KLF8: variants seen among roughly 807,000 people sequenced by gnomAD.
KLF8 encodes the protein KLF transcription factor 8.
KLF8 carries 10 observed loss-of-function variants against 18.2 expected under a neutral mutation model. The observed-to-expected ratio is 0.55, with a 90% CI of 0.34 to 0.93. The LOEUF is 0.93. Among genes scored for constraint, KLF8 ranks in the 40% least tolerant of loss-of-function variants. The pLI is 0.02. For missense variants in KLF8, 264 were observed against 277.9 expected (o/e 0.95, Z 0.36); for synonymous variants, 109 against 97.3 (o/e 1.12, Z -0.71).
At chrX:56,104,590 T>A in the KLF8 span, among the ~76,000 whole-genome samples, 1 of 111,949 alleles carries the variant, frequency 8.9e-6, no homozygotes, top group Admixed American at 9.5e-5. Flanking sequence ...TTGCATCTAT[T>A]TGATTCTTCT....
chrX:56,269,200 A>T (rs774179923), intron 3 of KLF8, 178 bp from the exon 4 acceptor site: 509 of 1,037,577 alleles, frequency 4.9e-4, no homozygotes, highest in Admixed American at 1.9e-3. Context: ...TGCAAAAAAA[A>T]AAAATAAAAT....
At chrX:55,999,094 G>T in the KLF8 span, among the ~76,000 whole-genome samples, 1 of 108,941 alleles carries the variant, frequency 9.2e-6, no homozygotes, top group African/African-American at 3.3e-5. Context: ...TTATTGACTA[G>T]GGTGTCCTTT....
At chrX:56,273,468 G>A (rs185702848) in intron 5 of KLF8, among the ~76,000 whole-genome samples, 2 of 96,906 alleles carry the variant, frequency 2.1e-5, no homozygotes, top group African/African-American at 3.9e-5. Flanking sequence ...ACTGCCCCCC[G>A]ACCCACTGAC....
the KLF8 span, among the ~76,000 whole-genome samples, chrX:56,195,609 G>A: frequency 8.9e-6 from 1 of 112,303 alleles, no homozygotes; most frequent in East Asian, 2.8e-4. Flanking sequence ...TGTTTGATTG[G>A]TGTACCTGAA....
the KLF8 span, among the ~76,000 whole-genome samples, chrX:56,129,738 C>A: frequency 9.6e-6 from 1 of 104,186 alleles, no homozygotes; most frequent in Non-Finnish European, 1.9e-5. Context: ...AAAAGCCATG[C>A]TTTCTTTCTC....
At chrX:56,143,458 G>A in the KLF8 span, among the ~76,000 whole-genome samples, 1 of 112,113 alleles carries the variant, frequency 8.9e-6, no homozygotes, top group Non-Finnish European at 1.9e-5. Flanking sequence ...CAAGGACAGG[G>A]ATTTATTTTT....
chrX:56,191,550 T>C, the KLF8 span, among the ~76,000 whole-genome samples: 1 of 111,539 alleles, frequency 9.0e-6, no homozygotes, highest in Non-Finnish European at 1.9e-5. Flanking sequence ...AAAAATTCTC[T>C]AGAAAATTGT....
At chrX:56,053,530 G>A in the KLF8 span, among the ~76,000 whole-genome samples, 1 of 58,457 alleles carries the variant, frequency 1.7e-5, no homozygotes, top group Non-Finnish European at 3.5e-5. Context: ...AATTTAGGGA[G>A]AAGTCTTTTC....
At chrX:55,962,579 G>A in the KLF8 span, 5 of 132,593 alleles carry the variant, frequency 3.8e-5, no homozygotes, top group Non-Finnish European at 7.6e-5. Context: ...ATGGTGGTGA[G>A]TAGATCATTT....
the KLF8 span, among the ~76,000 whole-genome samples, chrX:56,168,896 G>C: frequency 1.5e-4 from 17 of 111,586 alleles, no homozygotes; most frequent in African/African-American, 5.5e-4. Flanking sequence ...TAGCACAAAA[G>C]ACCCTGAATA....
upstream of KLF8, among the ~76,000 whole-genome samples, chrX:56,228,014 G>T (rs2066380723): frequency 9.0e-6 from 1 of 111,270 alleles, no homozygotes; most frequent in Admixed American, 9.6e-5. Flanking sequence ...GGATGGTGCG[G>T]TGCCAGAATT....
At chrX:56,159,378 G>C in the KLF8 span, among the ~76,000 whole-genome samples, 1 of 112,433 alleles carries the variant, frequency 8.9e-6, no homozygotes, top group African/African-American at 3.2e-5. Context: ...CCAGGCTTTT[G>C]TATCAGGATG....
the KLF8 span, among the ~76,000 whole-genome samples, chrX:56,138,996 C>A: frequency 2.7e-5 from 3 of 110,939 alleles, no homozygotes; most frequent in African/African-American, 9.8e-5. Context: ...CAGTGTACAA[C>A]AGCATTTCTA....
At chrX:56,108,350 C>A in the KLF8 span, among the ~76,000 whole-genome samples, 1 of 111,493 alleles carries the variant, frequency 9.0e-6, no homozygotes, top group Non-Finnish European at 1.9e-5. Context: ...CCATAAATAC[C>A]TTTTATCATT....
the KLF8 span, among the ~76,000 whole-genome samples, chrX:56,221,960 T>G: frequency 4.5e-5 from 5 of 111,371 alleles, no homozygotes; most frequent in African/African-American, 1.6e-4. Context: ...AGGGAGCCGA[T>G]TGGTCCGTTT....
At chrX:55,980,845 TC>T in the KLF8 span, among the ~76,000 whole-genome samples, 4 of 111,856 alleles carry the variant, frequency 3.6e-5, no homozygotes, top group African/African-American at 1.3e-4. Flanking sequence ...CTTAGGCTTC[TC>T]CCCCCCTCCA....
the KLF8 span, among the ~76,000 whole-genome samples, chrX:56,173,072 T>G: frequency 8.9e-6 from 1 of 111,925 alleles, no homozygotes; most frequent in Non-Finnish European, 1.9e-5. Context: ...TGATGGTAGT[T>G]TTTTTTGCTG....
chrX:56,080,308 A>T, the KLF8 span, among the ~76,000 whole-genome samples: 15 of 110,751 alleles, frequency 1.4e-4, no homozygotes, highest in Middle Eastern at 4.6e-3. Context: ...TTCCATGTTT[A>T]GTGCTTCCTT....
the KLF8 span, among the ~76,000 whole-genome samples, chrX:56,132,970 A>G: frequency 9.0e-6 from 1 of 111,449 alleles, no homozygotes; most frequent in African/African-American, 3.3e-5. Context: ...ATTAGGAAGA[A>G]TTAGAGACCA....
Sources: gnomAD v4.1 joint callset for allele counts (sites outside exome capture counted in the v4.1 genomes callset) on GRCh38, gnomAD v4.1.1 for gene constraint, MANE v1.5 for transcripts, NCBI Gene and HGNC (gene_info 2026-07-23, HGNC 2026-07-21) for gene names.